The following USP10 variants were observed in gnomAD, a reference collection of about 807,000 sequenced individuals.
The protein encoded by USP10 is ubiquitin carboxyl-terminal hydrolase 10.
A neutral mutation model predicts 84.5 loss-of-function variants in USP10; 22 were observed. The observed-to-expected ratio is 0.26, with a 90% CI of 0.19 to 0.37. The LOEUF is 0.37. Among genes scored for constraint, USP10 ranks in the 10% least tolerant of loss-of-function variants. The pLI is 1.00. For missense variants in USP10, 1,019 were observed against 998.9 expected, an observed-to-expected ratio of 1.02 and a Z score of -0.27; for synonymous variants, 454 against 387.6, an observed-to-expected ratio of 1.17 and a Z score of -2.01.
intron 8 of USP10, among the ~76,000 whole-genome samples, chr16:84,760,893 T>A (rs1174642964): frequency 6.6e-6 from 1 of 152,208 alleles, no homozygotes; most frequent in Non-Finnish European, 1.5e-5. Context: ...TACAAGCAGT[T>A]GAAATGATGC....
At chr16:84,761,054 A>G (rs964657966) in intron 8 of USP10, among the ~76,000 whole-genome samples, 14 of 152,220 alleles carry the variant, frequency 9.2e-5, no homozygotes, top group African/African-American at 3.4e-4. Context: ...AGCTTTTTAA[A>G]TGCTTATAAT....
chr16:84,770,893 C>G lies in USP10; in HGVS notation c.1999-1648C>G, dbSNP rs1042433491. On this transcript the variant is annotated intron_variant, in intron 11 of 13. Coordinates refer to ENST00000219473, the MANE Select transcript of USP10 (RefSeq NM_005153.3). ...CCATCCTGGCCAACATGTTGAAACC[C>G]CATCTCTACTAAAAATACAAAAATT... Among the ~76,000 whole-genome samples, 5 of 151,930 alleles carry G rather than the reference C, an allele frequency of 3.3e-5. No homozygotes were observed. The East Asian group carries it at 9.6e-4, about 29-fold the overall frequency.
At chr16:84,734,595 TTTGTTG>T (rs535371889) in intron 2 of USP10, among the ~76,000 whole-genome samples, 2 of 152,210 alleles carry the variant, frequency 1.3e-5, no homozygotes, top group Non-Finnish European at 2.9e-5. Context: ...GTTGGGTTTT[TTTGTTG>T]TTGTTGTTGG....
chr16:84,744,575 A>C, intron 3 of USP10, 58 bp from the exon 4 acceptor site: 5 of 1,428,480 alleles, frequency 3.5e-6, no homozygotes, highest in Non-Finnish European at 4.7e-6. Context: ...GTGAGTAATT[A>C]CTGGTACTTA....
chr16:84,762,902 A>G, intron 8 of USP10, 87 bp from the exon 9 acceptor site: 2 of 686,312 alleles, frequency 2.9e-6, no homozygotes, highest in Non-Finnish European at 2.5e-6. Context: ...CAGAGGAGGC[A>G]TGGTTGGACT....
intron 1 of USP10, among the ~76,000 whole-genome samples, chr16:84,713,426 C>T (rs557389315): frequency 6.6e-6 from 1 of 152,174 alleles, no homozygotes; most frequent in Admixed American, 6.5e-5. Context: ...CTGCTTGCTC[C>T]CTCTCCAGAG....
intron 1 of USP10, among the ~76,000 whole-genome samples, chr16:84,701,509 CAACTT>C (rs1451456988): frequency 9.2e-5 from 14 of 152,062 alleles, no homozygotes; most frequent in African/African-American, 3.4e-4. Flanking sequence ...GCTTTTTTCT[CAACTT>C]AAATCCTAAT....
chr16:84,753,348 G>A (rs945275978), intron 4 of USP10, among the ~76,000 whole-genome samples: 3 of 152,176 alleles, frequency 2.0e-5, no homozygotes, highest in Non-Finnish European at 4.4e-5. Context: ...CTCTTGGGAT[G>A]CTGAAAGTTG....
intron 4 of USP10, among the ~76,000 whole-genome samples, chr16:84,747,647 T>G (rs11647063): frequency 0.27 from 37,355 of 137,118 alleles, 4,948 homozygotes; most frequent in Admixed American, 0.46. Flanking sequence ...CACTACAACC[T>G]CCGCCTCCTG....
At chr16:84,728,773 A>G (rs1908843419) in intron 1 of USP10, among the ~76,000 whole-genome samples, 3 of 151,974 alleles carry the variant, frequency 2.0e-5, no homozygotes, top group Admixed American at 1.3e-4. Flanking sequence ...TAAAGTTGTC[A>G]TATTCTGTTT....
chr16:84,719,615 T>C (rs1019315699), intron 1 of USP10, among the ~76,000 whole-genome samples: 1 of 152,240 alleles, frequency 6.6e-6, no homozygotes, highest in South Asian at 2.1e-4. Flanking sequence ...ATTGGTTACC[T>C]GCTTTTATGT....
At chr16:84,735,318 G>T (rs1478117426) in intron 2 of USP10, among the ~76,000 whole-genome samples, 2 of 151,830 alleles carry the variant, frequency 1.3e-5, no homozygotes, top group African/African-American at 4.8e-5. Flanking sequence ...GTTGCTACAG[G>T]TTTTCTCAAG....
intron 10 of USP10, among the ~76,000 whole-genome samples, chr16:84,766,146 A>G (rs958125050): frequency 7.2e-5 from 11 of 152,158 alleles, no homozygotes; most frequent in Admixed American, 5.9e-4. Context: ...TGAATCAACA[A>G]CTTTCAACAG....
rs1025893860 is a variant in USP10 at position 84,741,933 on chromosome 16, A to T, written c.151+1564A>T. ...AGTATCTGGAATGTTGTAAGCCCTC[A>T]GTACATTTGTTGGATGAATGGTTTA... On this transcript the variant is annotated intron_variant, in intron 3 of 13. Coordinates refer to ENST00000219473, the MANE Select transcript of USP10 (RefSeq NM_005153.3). Among the ~76,000 whole-genome samples, 3 of 152,288 alleles carry T rather than the reference A, an allele frequency of 2.0e-5. No homozygotes were observed. In the East Asian group the frequency reaches 5.8e-4, roughly 29 times the overall value.
At chr16:84,741,399 C>T (rs1022986244) in intron 3 of USP10, among the ~76,000 whole-genome samples, 2 of 152,240 alleles carry the variant, frequency 1.3e-5, no homozygotes, top group Non-Finnish European at 2.9e-5. Flanking sequence ...ACCTCTCAGA[C>T]ATCTGAGTCA....
intron 8 of USP10, 35 bp from the exon 9 acceptor site, chr16:84,762,954 G>A (rs780917105): frequency 6.9e-7 from 1 of 1,440,428 alleles, no homozygotes; most frequent in Non-Finnish European, 9.7e-7. Flanking sequence ...ACAGTGATCA[G>A]TTCACAGTAA....
intron 12 of USP10, among the ~76,000 whole-genome samples, chr16:84,773,926 G>A (rs112448324): frequency 1.8e-3 from 276 of 152,106 alleles, no homozygotes; most frequent in African/African-American, 6.3e-3. Flanking sequence ...TTTTATATCC[G>A]CTGCCACCTC....
At chr16:84,769,060 T>G (rs11863406) in intron 11 of USP10, among the ~76,000 whole-genome samples, 35,078 of 152,186 alleles carry the variant, frequency 0.23, 4,811 homozygotes, top group East Asian at 0.39. Flanking sequence ...CTCTGTTATA[T>G]ATCTTAGGTT....
At chr16:84,723,941 T>A (rs1032164718) in intron 1 of USP10, among the ~76,000 whole-genome samples, 1 of 152,242 alleles carries the variant, frequency 6.6e-6, no homozygotes, top group Non-Finnish European at 1.5e-5. Context: ...GTTTCTTTTT[T>A]ATTGGTTTCA....
Sources: gnomAD v4.1 joint callset for allele counts (sites outside exome capture counted in the v4.1 genomes callset) on GRCh38, gnomAD v4.1.1 for gene constraint, MANE v1.5 for transcripts, NCBI Gene and HGNC (gene_info 2026-07-23, HGNC 2026-07-21) for gene names.